ADGRB3: variants seen among roughly 807,000 people sequenced by gnomAD.
ADGRB3 encodes adhesion G protein-coupled receptor B3, also known as brain-specific angiogenesis inhibitor 3.
ADGRB3 carries 37 observed loss-of-function variants against 193.4 expected under a neutral mutation model. The observed-to-expected ratio is 0.19, with a 90% CI of 0.15 to 0.25. The LOEUF (loss-of-function observed/expected upper bound fraction) is 0.25. Ranked by LOEUF, ADGRB3 falls within the 10% of genes least tolerant of loss-of-function variation. ADGRB3 has a pLI of 1.00. For synonymous variants in ADGRB3, 690 were observed against 644.2 expected, an observed-to-expected ratio of 1.07 and a Z score of -1.08; for missense variants, 1,637 against 1,852.9, an observed-to-expected ratio of 0.88 and a Z score of 2.14.
chr6:68,984,794 T>G (rs1278229597), intron 10 of ADGRB3, among the ~76,000 whole-genome samples: 1 of 152,136 alleles, frequency 6.6e-6, no homozygotes, highest in Non-Finnish European at 1.5e-5. Flanking sequence ...GGAAAAAAGA[T>G]ACTTTCTCCT....
chr6:69,217,327 C>T (rs1349671732), intron 17 of ADGRB3, among the ~76,000 whole-genome samples: 1 of 152,032 alleles, frequency 6.6e-6, no homozygotes, highest in African/African-American at 2.4e-5. Context: ...AGATACTGCC[C>T]TTTTTACCCC....
rs75496053 is a variant in ADGRB3 at position 69,150,702 on chromosome 6, G to T, written c.2480+74664G>T. On this transcript the variant is annotated intron_variant, in intron 17 of 31. Coordinates refer to ENST00000370598, the MANE Select transcript of ADGRB3 (RefSeq NM_001704.3). ...GGAGGCTTTCCTTGTACCCACTATA[G>T]CTGGAAATATGCTAGATCACACTTG... is the stretch of plus-strand genomic sequence containing the variant. 6.6e-3 allele frequency among the ~76,000 whole-genome samples: 1,012 copies of T among 152,254 alleles called. 15 individuals carry two copies. The highest frequency in any genetic ancestry group is 0.024 in the African/African-American group (983 of 41,550).
intron 17 of ADGRB3, among the ~76,000 whole-genome samples, chr6:69,191,971 A>G (rs922015243): frequency 1.2e-4 from 18 of 152,202 alleles, no homozygotes; most frequent in African/African-American, 3.9e-4. Context: ...TGAAGGAAGG[A>G]CAACTTGGAA....
chr6:68,789,682 G>T (rs1025628212), intron 3 of ADGRB3, among the ~76,000 whole-genome samples: 1 of 152,132 alleles, frequency 6.6e-6, no homozygotes, highest in Non-Finnish European at 1.5e-5. Flanking sequence ...TGTATTTTCT[G>T]AATCTGAATG....
chr6:69,204,632 G>T (rs536648198), intron 17 of ADGRB3, among the ~76,000 whole-genome samples: 38 of 152,148 alleles, frequency 2.5e-4, no homozygotes, highest in East Asian at 7.7e-4. Flanking sequence ...GAAGAGCTGG[G>T]TTCATAAAAT....
At chr6:68,751,430 C>T (rs1766196622) in intron 3 of ADGRB3, among the ~76,000 whole-genome samples, 2 of 152,062 alleles carry the variant, frequency 1.3e-5, no homozygotes, top group South Asian at 2.1e-4. Flanking sequence ...CCTTCTTTCC[C>T]AGTCACAGTT....
chr6:69,041,957 A>G (rs1341486653), intron 13 of ADGRB3, among the ~76,000 whole-genome samples: 1 of 152,172 alleles, frequency 6.6e-6, no homozygotes, highest in Non-Finnish European at 1.5e-5. Context: ...CTCATTTTGA[A>G]CTGTAGTTCT....
intron 3 of ADGRB3, among the ~76,000 whole-genome samples, chr6:68,867,065 G>C (rs971652194): frequency 3.3e-5 from 5 of 152,176 alleles, no homozygotes; most frequent in Admixed American, 6.5e-5. Context: ...GGAGAAATTT[G>C]CATAAGTAAA....
At chr6:69,201,399 A>G (rs924018143) in intron 17 of ADGRB3, among the ~76,000 whole-genome samples, 4 of 151,320 alleles carry the variant, frequency 2.6e-5, no homozygotes, top group South Asian at 2.1e-4. Flanking sequence ...TTGACTACCT[A>G]TCTTTCTTAA....
chr6:69,118,706 TC>T (rs1199028178), intron 17 of ADGRB3, among the ~76,000 whole-genome samples: 1 of 149,500 alleles, frequency 6.7e-6, no homozygotes, highest in Non-Finnish European at 1.5e-5. Context: ...GTTCTCAATA[TC>T]AGGTTAGTAC....
chr6:69,023,843 G>A (rs1385305433), intron 13 of ADGRB3, among the ~76,000 whole-genome samples: 2 of 152,158 alleles, frequency 1.3e-5, no homozygotes, highest in Non-Finnish European at 2.9e-5. Flanking sequence ...GTATGAATTT[G>A]AGAGTCTGTC....
intron 3 of ADGRB3, among the ~76,000 whole-genome samples, chr6:68,697,997 G>C (rs1233654804): frequency 6.6e-6 from 1 of 151,490 alleles, no homozygotes; most frequent in Admixed American, 6.6e-5. Flanking sequence ...GGCAGATATA[G>C]ATATAAACAG....
At chr6:69,297,354 C>T (rs184453967) in intron 20 of ADGRB3, among the ~76,000 whole-genome samples, 406 of 123,172 alleles carry the variant, frequency 3.3e-3, no homozygotes, top group African/African-American at 0.013. Context: ...CTCTCTCTCT[C>T]TCTCTCTCTC....
intron 3 of ADGRB3, among the ~76,000 whole-genome samples, chr6:68,777,141 C>G (rs1048801648): frequency 1.4e-4 from 22 of 152,098 alleles, no homozygotes; most frequent in African/African-American, 4.8e-5. Context: ...CATCTTGATG[C>G]CTTCCCCTGT....
chr6:69,090,797 A>C (rs1345737686), intron 17 of ADGRB3, among the ~76,000 whole-genome samples: 2 of 152,208 alleles, frequency 1.3e-5, no homozygotes, highest in Non-Finnish European at 2.9e-5. Flanking sequence ...GTTTGGATTG[A>C]TTGCAACCAT....
chr6:69,098,927 CT>C (rs1296876471), intron 17 of ADGRB3, among the ~76,000 whole-genome samples: 3 of 152,136 alleles, frequency 2.0e-5, no homozygotes, highest in African/African-American at 7.2e-5. Flanking sequence ...TCAGTGCCAA[CT>C]AATTCTCTGA....
chr6:69,349,056 C>A (rs1769168355), intron 26 of ADGRB3, among the ~76,000 whole-genome samples: 1 of 152,172 alleles, frequency 6.6e-6, no homozygotes, highest in African/African-American at 2.4e-5. Context: ...TGATCTTGAG[C>A]AAGTTACTTA....
intron 3 of ADGRB3, among the ~76,000 whole-genome samples, chr6:68,648,261 C>A (rs1347636828): frequency 1.3e-5 from 2 of 152,080 alleles, no homozygotes; most frequent in Non-Finnish European, 2.9e-5. Flanking sequence ...TAAATGTTTG[C>A]TGATGTGCAT....
intron 17 of ADGRB3, among the ~76,000 whole-genome samples, chr6:69,195,714 T>G (rs1461177138): frequency 6.6e-6 from 1 of 152,076 alleles, no homozygotes; most frequent in Non-Finnish European, 1.5e-5. Context: ...GTTTTTTTTT[T>G]GTTTGTTTTT....
Sources: gnomAD v4.1 joint callset for allele counts (sites outside exome capture counted in the v4.1 genomes callset) on GRCh38, gnomAD v4.1.1 for gene constraint, MANE v1.5 for transcripts, NCBI Gene and HGNC (gene_info 2026-07-23, HGNC 2026-07-21) for gene names.